PRKG1: variants seen among roughly 807,000 people sequenced by gnomAD.
The protein encoded by PRKG1 is cGMP-dependent protein kinase 1.
A neutral mutation model predicts 88.1 loss-of-function variants in PRKG1; 35 were observed. The ratio of observed to expected loss-of-function variants is 0.40; its 90% confidence interval spans 0.30 to 0.53. PRKG1 has a LOEUF of 0.53. PRKG1 is among the 20% of genes least tolerant of loss of function. PRKG1 has a pLI of 0.59. For missense variants in PRKG1, 540 were observed against 839.8 expected (o/e 0.64, Z 4.41); for synonymous variants, 303 against 292.5 (o/e 1.04, Z -0.37).
intron 3 of PRKG1, among the ~76,000 whole-genome samples, chr10:51,739,000 A>AT (rs1442256442): frequency 5.3e-5 from 8 of 152,188 alleles, no homozygotes; most frequent in Non-Finnish European, 2.9e-5. Flanking sequence ...AGGGCTCTAC[A>AT]TTTAGAAGGG....
intron 7 of PRKG1, among the ~76,000 whole-genome samples, chr10:52,071,980 C>T (rs1366651675): frequency 1.3e-5 from 2 of 151,846 alleles, no homozygotes; most frequent in Non-Finnish European, 2.9e-5. Flanking sequence ...CCTTTTGTGT[C>T]GAAATGCTCC....
chr10:51,223,938 A>G (rs1257817144), intron 2 of PRKG1, among the ~76,000 whole-genome samples: 2 of 152,146 alleles, frequency 1.3e-5, no homozygotes, highest in East Asian at 3.9e-4. Flanking sequence ...GACTGGCTCT[A>G]AGGGAAAGTG....
chr10:51,854,760 T>C (rs1478009411), intron 4 of PRKG1, among the ~76,000 whole-genome samples: 1 of 152,140 alleles, frequency 6.6e-6, no homozygotes, highest in Admixed American at 6.5e-5. Context: ...AGAAACAAAA[T>C]GTTTCCCCAT....
chr10:52,267,933 G>A (rs1246582302), intron 10 of PRKG1, among the ~76,000 whole-genome samples: 3 of 152,080 alleles, frequency 2.0e-5, no homozygotes, highest in Admixed American at 1.3e-4. Flanking sequence ...TTGGGAAGTT[G>A]TTGGTTTATC....
At chr10:51,393,454 G>A (rs1462877421) in intron 2 of PRKG1, among the ~76,000 whole-genome samples, 5 of 152,132 alleles carry the variant, frequency 3.3e-5, no homozygotes, top group African/African-American at 4.8e-5. Flanking sequence ...CTTCCCAGAC[G>A]GGGTGGCGGC....
At chr10:51,268,775 A>G (rs1215658403) in intron 2 of PRKG1, among the ~76,000 whole-genome samples, 1 of 152,226 alleles carries the variant, frequency 6.6e-6, no homozygotes. Flanking sequence ...TAAAGTAAAG[A>G]CAGGCATAGG....
chr10:51,233,189 T>C (rs1838891860), intron 2 of PRKG1, among the ~76,000 whole-genome samples: 1 of 152,274 alleles, frequency 6.6e-6, no homozygotes, highest in South Asian at 2.1e-4. Flanking sequence ...AATGTTAGGA[T>C]TGACATTGTC....
At chr10:51,122,128 T>C (rs1019967136) in intron 1 of PRKG1, among the ~76,000 whole-genome samples, 4 of 152,212 alleles carry the variant, frequency 2.6e-5, no homozygotes, top group African/African-American at 9.6e-5. Context: ...AGCAGCTCTC[T>C]ATTAAATGAG....
chr10:51,938,810 T>C (rs2133022890), intron 5 of PRKG1, among the ~76,000 whole-genome samples: 1 of 152,148 alleles, frequency 6.6e-6, no homozygotes, highest in South Asian at 2.1e-4. Context: ...TTTAGTCTTC[T>C]AAAGCTTAGT....
intron 7 of PRKG1, among the ~76,000 whole-genome samples, chr10:52,093,913 G>T (rs1847114651): frequency 6.6e-6 from 1 of 152,126 alleles, no homozygotes; most frequent in Admixed American, 6.6e-5. Context: ...TATGCACACA[G>T]CGGAGGAGCT....
chr10:52,043,917 GA>G (rs5784899), intron 5 of PRKG1, among the ~76,000 whole-genome samples: 13 of 133,942 alleles, frequency 9.7e-5, no homozygotes, highest in African/African-American at 3.0e-4. Flanking sequence ...GTTAAACATA[GA>G]AAAAAAAAAA....
chr10:51,347,789 C>A lies in PRKG1; in HGVS notation c.479-119934C>A, dbSNP rs187513994. 2.1e-3 allele frequency among the ~76,000 whole-genome samples: 312 copies of A among 152,008 alleles called. 1 individual carries two copies. The highest frequency in any genetic ancestry group is 0.012 in the South Asian group (57 of 4,808). ...CATAAAAGTCAACAAAGGCTGGGCG[C>A]GGTGGCTCACACCTGTAATCCCAGC... On this transcript the variant is annotated intron_variant, in intron 2 of 17. Transcript: ENST00000373980.
chr10:51,243,145 C>T (rs1053993924), intron 2 of PRKG1, among the ~76,000 whole-genome samples: 19 of 152,120 alleles, frequency 1.2e-4, no homozygotes, highest in South Asian at 4.1e-4. Context: ...GCCCCTTAGC[C>T]TTAGTGTGAC....
chr10:51,265,014 G>A (rs909241685), intron 2 of PRKG1, among the ~76,000 whole-genome samples: 1 of 151,978 alleles, frequency 6.6e-6, no homozygotes. Context: ...TATGGCTTGT[G>A]AATTTTTTTA....
At chr10:51,465,857 G>A (rs12783101) in intron 2 of PRKG1, among the ~76,000 whole-genome samples, 54,774 of 151,984 alleles carry the variant, frequency 0.36, 10,393 homozygotes, top group Middle Eastern at 0.44. Context: ...AAGAAATTAT[G>A]CCAGTGATAA....
intron 3 of PRKG1, among the ~76,000 whole-genome samples, chr10:51,687,469 T>G (rs916474948): frequency 6.6e-6 from 1 of 152,206 alleles, no homozygotes; most frequent in African/African-American, 2.4e-5. Context: ...AGCTTCAAAA[T>G]TTCTTCTAGA....
At chr10:51,869,029 T>G (rs1458229734) in intron 4 of PRKG1, among the ~76,000 whole-genome samples, 3 of 152,224 alleles carry the variant, frequency 2.0e-5, no homozygotes, top group Non-Finnish European at 4.4e-5. Flanking sequence ...TTTATAATAT[T>G]TATTGGGTCT....
chr10:52,154,219 CT>C (rs1838023411), intron 8 of PRKG1, among the ~76,000 whole-genome samples: 1 of 152,134 alleles, frequency 6.6e-6, no homozygotes, highest in Admixed American at 6.6e-5. Context: ...GCAAACTAAT[CT>C]TAAAATAGCA....
intron 9 of PRKG1, among the ~76,000 whole-genome samples, chr10:52,166,928 C>A (rs549767778): frequency 3.7e-5 from 5 of 136,740 alleles, no homozygotes; most frequent in Non-Finnish European, 6.3e-5. Context: ...TATATATAAG[C>A]CAAGATAGAG....
Sources: allele counts gnomAD v4.1 joint callset (sites outside exome capture counted in the v4.1 genomes callset), GRCh38; gene constraint gnomAD v4.1.1; transcripts MANE v1.5; gene names NCBI Gene and HGNC (gene_info 2026-07-23, HGNC 2026-07-21).